Variants in CSGALNACT2 observed in about 807,000 individuals in gnomAD.
CSGALNACT2 encodes the protein chondroitin sulfate N-acetylgalactosaminyltransferase 2, also known as beta 4 GalNAcT-2.
In CSGALNACT2, 35 loss-of-function variants were observed where a neutral mutation model predicts 55.3. That is an observed-to-expected ratio of 0.63 (90% CI 0.48 to 0.84). The LOEUF is 0.84. Among genes scored for constraint, CSGALNACT2 ranks in the 40% least tolerant of loss-of-function variants. The probability of loss-of-function intolerance (pLI) is 0.00; values close to 1 mark genes in which losing one functional copy is unlikely to be tolerated. For synonymous variants in CSGALNACT2, 196 were observed against 224.9 expected (o/e 0.87, Z 1.15); for missense variants, 544 against 657.5 (o/e 0.83, Z 1.89).
At chr10:43,174,552 ATCTTG>A (rs1839443035) in intron 6 of CSGALNACT2, among the ~76,000 whole-genome samples, 1 of 152,148 alleles carries the variant, frequency 6.6e-6, no homozygotes, top group African/African-American at 2.4e-5. Flanking sequence ...GCCTGCTGTC[ATCTTG>A]GTTGATCCTT....
At position 43,155,453 on chromosome 10, in the gene CSGALNACT2, G is replaced by T; in HGVS notation, c.304G>T (p.Val102Leu). Residue 102 changes from valine to leucine, a missense_variant, in exon 2 of 8, where the codon GTA becomes TTA. Transcript: ENST00000374466. ...GCGGTCACTGCAAGAAAGAAGGAAT[G>T]TAGGGGCTAATGGCATAGGCTATCA... is the stretch of plus-strand genomic sequence containing the variant. ...KMRSLQERRN[V>L]GANGIGYQSN... is the part of the protein sequence containing the mutation. The T allele has an allele frequency of 1.2e-6, 2 of 1,614,196 alleles. No homozygotes were observed. The highest frequency in any genetic ancestry group is 1.7e-6 in the Non-Finnish European group (2 of 1,180,042).
At chr10:43,142,797 A>G (rs913224595) in intron 1 of CSGALNACT2, among the ~76,000 whole-genome samples, 49 of 152,262 alleles carry the variant, frequency 3.2e-4, no homozygotes, top group African/African-American at 1.1e-3. Flanking sequence ...CATGGATTGC[A>G]TGGTAAATGG....
chr10:43,183,606 A>G lies in CSGALNACT2; in HGVS notation c.*64A>G. 3.0e-6 allele frequency: 4 copies of G among 1,342,042 alleles called. No individual in the cohort carries two copies. Among genetic ancestry groups the G allele is most frequent in the South Asian group, 1.3e-5 (1 of 79,772 alleles). 83.1% of individuals were successfully genotyped at this position (1,342,042 alleles called of 1,614,324 possible). A position where few individuals can be genotyped will look rare whatever the true frequency, so the allele number is the denominator to read the frequency against. ...GCACTATTTATTTAGCCTTACTTCT[A>G]CTTCCAGATGCAGTGCCTCTTTTGG... On this transcript the variant is annotated 3_prime_UTR_variant, in exon 8 of 8. Coordinates refer to ENST00000374466, the MANE Select transcript of CSGALNACT2 (RefSeq NM_018590.5).
rs114633183 is a variant in CSGALNACT2 at position 43,152,788 on chromosome 10, T to A, written c.-253-2109T>A. ...ATTAATTAAAGTATGTATATCTTTA[T>A]TATACAAGATTATGTCTCCACATTT... On this transcript the variant is annotated intron_variant, in intron 1 of 7. Transcript: ENST00000374466. 5.2e-3 allele frequency among the ~76,000 whole-genome samples: 799 copies of A among 152,324 alleles called. 9 individuals are homozygous for A. The highest frequency in any genetic ancestry group is 0.019 in the African/African-American group (775 of 41,582).
intron 1 of CSGALNACT2, among the ~76,000 whole-genome samples, chr10:43,139,921 C>G (rs1388531994): frequency 6.6e-6 from 1 of 152,174 alleles, no homozygotes; most frequent in Non-Finnish European, 1.5e-5. Flanking sequence ...GTGGGCCTGG[C>G]GTGGTGGCTC....
intron 2 of CSGALNACT2, among the ~76,000 whole-genome samples, 176 bp downstream of exon 2, chr10:43,155,986 A>C (rs940539501): frequency 2.0e-5 from 3 of 152,206 alleles, no homozygotes; most frequent in Non-Finnish European, 4.4e-5. Context: ...AAGTTTTTGC[A>C]CTTCATTGCA....
chr10:43,147,275 G>A (rs544960307), intron 1 of CSGALNACT2, among the ~76,000 whole-genome samples: 105 of 152,218 alleles, frequency 6.9e-4, no homozygotes, highest in African/African-American at 2.4e-3. Flanking sequence ...GCGCCCGGCC[G>A]AGCATCTTTT....
At chr10:43,165,190 A>G (rs149621407) in intron 5 of CSGALNACT2, among the ~76,000 whole-genome samples, 3 of 152,178 alleles carry the variant, frequency 2.0e-5, no homozygotes, top group Non-Finnish European at 4.4e-5. Flanking sequence ...GCGCCACTGC[A>G]CTGCAGCCTG....
At position 43,164,019 on chromosome 10, in the gene CSGALNACT2, C is replaced by T. The variant is rs751763838; in HGVS notation, c.1134C>T (p.Asn378=). 8.1e-6 allele frequency: 13 copies of T among 1,613,598 alleles called. No homozygotes were observed. Among genetic ancestry groups the T allele is most frequent in the Admixed American group, 3.3e-5 (2 of 59,932 alleles). ...VDIYFSAEFL[N]SCRLNAEPGK... is the part of the protein sequence containing the mutation. Reference sequence around the variant, plus strand: ...TCTATTTCTCAGCCGAATTCCTTAACAGCTGCCGGTTAAATGCTGAGCCAG... The same window carrying T: ...TCTATTTCTCAGCCGAATTCCTTAATAGCTGCCGGTTAAATGCTGAGCCAG... Residue 378 remains asparagine (N), a synonymous_variant, in exon 5 of 8, where the codon AAC becomes AAT. Coordinates refer to ENST00000374466, the MANE Select transcript of CSGALNACT2 (RefSeq NM_018590.5).
Position 43,176,018 on chromosome 10 carries a change from A to C in CSGALNACT2, c.1322A>C (p.Asp441Ala). 1 of 1,608,726 alleles carries C rather than the reference A, an allele frequency of 6.2e-7. No individual in the cohort carries two copies. The highest frequency in any genetic ancestry group is 8.5e-7 in the Non-Finnish European group (1 of 1,178,360). ...GGAATGACTTGTCAGTATCGTTCAG[A>C]TTTCCTGACCATTGGTAAGTATACT... ...GFGMTCQYRS[D>A]FLTIGGFDME... The change falls in exon 7 of 8, where the codon GAT becomes GCT. Residue 441 changes from aspartate (D) to alanine (A), a missense_variant. By Grantham distance (126) the Asp-to-Ala change is moderately radical. Coordinates refer to ENST00000374466, the MANE Select transcript of CSGALNACT2 (RefSeq NM_018590.5).
chr10:43,146,839 C>T (rs1003539362), intron 1 of CSGALNACT2, among the ~76,000 whole-genome samples: 35 of 151,926 alleles, frequency 2.3e-4, no homozygotes, highest in African/African-American at 7.5e-4. Flanking sequence ...AGTCCTTCCA[C>T]GTTAACAACA....
At chr10:43,142,204 G>GTTTATTTA (rs375302347) in intron 1 of CSGALNACT2, among the ~76,000 whole-genome samples, 2 of 151,416 alleles carry the variant, frequency 1.3e-5, no homozygotes, top group Non-Finnish European at 2.9e-5. Context: ...TTATTTATTT[G>GTTTATTTA]TTTATTTATT....
intron 5 of CSGALNACT2, among the ~76,000 whole-genome samples, chr10:43,165,342 G>A (rs1368371386): frequency 6.6e-6 from 1 of 151,754 alleles, no homozygotes; most frequent in African/African-American, 2.4e-5. Flanking sequence ...TGCTAAGCCA[G>A]TAGTAGCATT....
intron 6 of CSGALNACT2, 126 bp from the exon 7 acceptor site, chr10:43,175,825 T>C: frequency 1.3e-6 from 1 of 791,608 alleles, no homozygotes; most frequent in Non-Finnish European, 2.1e-6. Flanking sequence ...GTGCATGTGA[T>C]CCTTAATCAG....
intron 1 of CSGALNACT2, among the ~76,000 whole-genome samples, chr10:43,151,454 T>A (rs1838872035): frequency 6.6e-6 from 1 of 152,194 alleles, no homozygotes; most frequent in Admixed American, 6.5e-5. Flanking sequence ...CTCTACCGAG[T>A]GCCCTGGGAA....
At chr10:43,144,356 G>A (rs1192458727) in intron 1 of CSGALNACT2, among the ~76,000 whole-genome samples, 1 of 152,136 alleles carries the variant, frequency 6.6e-6, no homozygotes, top group Non-Finnish European at 1.5e-5. Context: ...TTATTATTAT[G>A]TAAGGGACCA....
chr10:43,158,020 T>G (rs1435040557), intron 2 of CSGALNACT2, among the ~76,000 whole-genome samples: 1 of 129,086 alleles, frequency 7.7e-6, no homozygotes, highest in Non-Finnish European at 1.6e-5. Context: ...AGAGTGAGAC[T>G]CCGTCTAAAA....
chr10:43,176,129 G>T (rs2133151964), intron 7 of CSGALNACT2, 97 bp downstream of exon 7: 1 of 918,986 alleles, frequency 1.1e-6, no homozygotes, highest in Non-Finnish European at 1.7e-6. Flanking sequence ...TCCTACTAAA[G>T]TATGAGTGTC....
intron 6 of CSGALNACT2, among the ~76,000 whole-genome samples, chr10:43,169,920 A>G (rs753521835): frequency 6.6e-6 from 1 of 152,248 alleles, no homozygotes; most frequent in Non-Finnish European, 1.5e-5. Context: ...TCTAGAATTC[A>G]TATTCAACCT....
Sources: gnomAD v4.1 joint callset for allele counts (sites outside exome capture counted in the v4.1 genomes callset) on GRCh38, gnomAD v4.1.1 for gene constraint, MANE v1.5 for transcripts, NCBI Gene and HGNC (gene_info 2026-07-23, HGNC 2026-07-21) for gene names.